The following PRLR variants were observed in gnomAD, a reference collection of about 807,000 sequenced individuals.
PRLR encodes the protein prolactin receptor.
Under a neutral mutation model 40.2 loss-of-function variants are expected in PRLR, and 13 were observed. The ratio of observed to expected loss-of-function variants is 0.32; its 90% CI spans 0.21 to 0.51. The LOEUF is 0.51. PRLR is among the 20% of genes least tolerant of loss of function. PRLR has a pLI of 0.97. For missense variants in PRLR, 656 were observed against 747.3 expected, an observed-to-expected ratio of 0.88 and a Z score of 1.42; for synonymous variants, 269 against 278.7, an observed-to-expected ratio of 0.97 and a Z score of 0.35.
chr5:35,137,720 G>A lies in PRLR; in HGVS notation c.-105-19598C>T, dbSNP rs149169844. On this transcript the variant is annotated intron_variant, in intron 1 of 9. Transcript: ENST00000618457. ...TATGGAAATGACACTGTAGTGCTTG[G>A]GCTCTTTTAATGGAAGGACACATGC... 4.2e-3 allele frequency among the ~76,000 whole-genome samples: 638 copies of A among 152,310 alleles called. 4 individuals are homozygous for A. The highest frequency in any genetic ancestry group is 0.015 in the African/African-American group (611 of 41,566).
Position 35,076,421 on chromosome 5 carries a change from G to A in PRLR, c.374-3677C>T, listed in dbSNP as rs915604082. ...ATGCACAAGCATCAGTAGCCGATTT[G>A]TTCAAGTGGAAGAAAGGGTATCAGT... On this transcript the variant is annotated intron_variant, in intron 5 of 9. Transcript: ENST00000618457. 3.3e-5 allele frequency among the ~76,000 whole-genome samples: 5 copies of A among 152,274 alleles called. No homozygotes were observed. The Middle Eastern group carries it at 0.01, about 311-fold the overall frequency.
chr5:35,214,167 G>A (rs1776231841), intron 1 of PRLR, among the ~76,000 whole-genome samples: 1 of 152,168 alleles, frequency 6.6e-6, no homozygotes, highest in Non-Finnish European at 1.5e-5. Context: ...TTGCCTGCTG[G>A]CATCAAATGT....
At chr5:35,209,446 T>TA (rs74383180) in intron 1 of PRLR, among the ~76,000 whole-genome samples, 1 of 151,632 alleles carries the variant, frequency 6.6e-6, no homozygotes, top group African/African-American at 2.4e-5. Flanking sequence ...TCAACAAAAA[T>TA]AAAAAAAAGC....
At chr5:35,112,379 A>C (rs1772714442) in intron 2 of PRLR, among the ~76,000 whole-genome samples, 1 of 152,218 alleles carries the variant, frequency 6.6e-6, no homozygotes, top group Non-Finnish European at 1.5e-5. Context: ...TAATAAATTC[A>C]GTAGGGCTCT....
At chr5:35,195,909 A>G (rs1030414292) in intron 1 of PRLR, among the ~76,000 whole-genome samples, 6 of 152,218 alleles carry the variant, frequency 3.9e-5, no homozygotes, top group African/African-American at 9.6e-5. Flanking sequence ...TAGAAGGGAC[A>G]GAGAGAGGGC....
At chr5:35,079,943 T>C (rs1379380186) in intron 5 of PRLR, among the ~76,000 whole-genome samples, 1 of 152,194 alleles carries the variant, frequency 6.6e-6, no homozygotes, top group South Asian at 2.1e-4. Context: ...GGGGAAAGGA[T>C]TCCCTATTTA....
chr5:35,106,462 G>T (rs903558834), intron 2 of PRLR, among the ~76,000 whole-genome samples: 1 of 152,188 alleles, frequency 6.6e-6, no homozygotes, highest in African/African-American at 2.4e-5. Context: ...ACCCATCAGT[G>T]TGCTGTATTC....
chr5:35,164,951 G>T (rs542170545), intron 1 of PRLR, among the ~76,000 whole-genome samples: 12 of 152,318 alleles, frequency 7.9e-5, no homozygotes, highest in Admixed American at 6.5e-4. Flanking sequence ...TCTGGTTTGG[G>T]TCTCTGTGTT....
intron 6 of PRLR, among the ~76,000 whole-genome samples, chr5:35,070,679 A>G (rs1286206300): frequency 6.6e-6 from 1 of 151,760 alleles, no homozygotes; most frequent in African/African-American, 2.4e-5. Flanking sequence ...CCCTGTCTCT[A>G]CTAAAAATAC....
At chr5:35,217,830 C>A (rs565832409) in intron 1 of PRLR, among the ~76,000 whole-genome samples, 1 of 152,278 alleles carries the variant, frequency 6.6e-6, no homozygotes, top group Admixed American at 6.5e-5. Context: ...AAATAAAACT[C>A]ATTGAATCAA....
chr5:35,187,980 T>A (rs897867508), intron 1 of PRLR, among the ~76,000 whole-genome samples: 12 of 152,334 alleles, frequency 7.9e-5, no homozygotes, highest in African/African-American at 2.9e-4. Context: ...GGTATCTCCC[T>A]CAACTGTTAA....
chr5:35,128,825 G>C (rs1428923773), intron 1 of PRLR, among the ~76,000 whole-genome samples: 1 of 152,158 alleles, frequency 6.6e-6, no homozygotes. Context: ...TGCCCATCAA[G>C]TATTTGACTG....
chr5:35,200,847 T>C (rs1775863853), intron 1 of PRLR, among the ~76,000 whole-genome samples: 2 of 152,192 alleles, frequency 1.3e-5, no homozygotes, highest in South Asian at 4.1e-4. Context: ...TAACAGACTT[T>C]GCGAAGATCA....
At chr5:35,121,069 C>A (rs1238633694) in intron 1 of PRLR, among the ~76,000 whole-genome samples, 1 of 152,028 alleles carries the variant, frequency 6.6e-6, no homozygotes, top group African/African-American at 2.4e-5. Context: ...CTAGAGGTGC[C>A]CAGAAGGCAG....
At chr5:35,179,361 T>C (rs1362357759) in intron 1 of PRLR, among the ~76,000 whole-genome samples, 2 of 152,222 alleles carry the variant, frequency 1.3e-5, no homozygotes, top group East Asian at 3.8e-4. Context: ...CCTGTCAGTA[T>C]TTACTTTCTT....
At chr5:35,113,450 T>TATCCATCCATCCATCC in intron 2 of PRLR, among the ~76,000 whole-genome samples, 1 of 105,318 alleles carries the variant, frequency 9.5e-6, no homozygotes. Context: ...CCCACCCACC[T>TATCCATCCATCCATCC]ATCCATCCAT....
intron 2 of PRLR, among the ~76,000 whole-genome samples, chr5:35,110,648 G>T (rs75942582): frequency 0.028 from 4,291 of 152,204 alleles, 102 homozygotes; most frequent in Middle Eastern, 0.1. Flanking sequence ...CTAGAGACAT[G>T]GTAACCATCT....
rs1418579852 is a variant in PRLR at position 35,061,917 on chromosome 5, T to C, written c.*3172A>G. ...TGTTGGATTCAGCAAGGAATGAGCA[T>C]GGCTTGATTCAGTAAAAGATCATTT... is the stretch of plus-strand genomic sequence containing the variant. On this transcript the variant is annotated 3_prime_UTR_variant, in exon 10 of 10. Coordinates refer to ENST00000618457, the MANE Select transcript of PRLR (RefSeq NM_000949.7). 1 of 152,182 alleles carries C rather than the reference T, an allele frequency of 6.6e-6. No individual in the cohort carries two copies. Among genetic ancestry groups the C allele is most frequent in the South Asian group, 2.1e-4 (1 of 4,828 alleles). The allele number at this position is 152,182 out of a possible 1,614,324, so 9.4% of individuals were successfully genotyped here.
At chr5:35,076,295 C>T (rs1205770055) in intron 5 of PRLR, among the ~76,000 whole-genome samples, 2 of 152,010 alleles carry the variant, frequency 1.3e-5, no homozygotes, top group Admixed American at 1.3e-4. Flanking sequence ...CTAAAAACCT[C>T]AAAAAAGATT....
Sources: gnomAD v4.1 joint callset for allele counts (sites outside exome capture counted in the v4.1 genomes callset) on GRCh38, gnomAD v4.1.1 for gene constraint, MANE v1.5 for transcripts, NCBI Gene and HGNC (gene_info 2026-07-23, HGNC 2026-07-21) for gene names.